Variants in ARHGAP28 observed in about 807,000 individuals in gnomAD.
ARHGAP28 encodes Rho GTPase activating protein 28, also known as rho GTPase-activating protein 28.
A neutral mutation model predicts 90.7 loss-of-function variants in ARHGAP28; 56 were observed. The observed-to-expected ratio is 0.62, with a 90% CI of 0.50 to 0.77. The LOEUF is 0.77. ARHGAP28 is among the 30% of genes least tolerant of loss of function. The probability of loss-of-function intolerance (pLI) is 0.00; values close to 1 mark genes in which losing one functional copy is unlikely to be tolerated. For synonymous variants in ARHGAP28, 308 were observed against 323.3 expected (o/e 0.95, Z 0.51); for missense variants, 869 against 900.9 (o/e 0.96, Z 0.45).
intron 1 of ARHGAP28, among the ~76,000 whole-genome samples, chr18:6,796,279 A>G (rs1372023646): frequency 1.3e-5 from 2 of 152,164 alleles, no homozygotes; most frequent in Non-Finnish European, 2.9e-5. Flanking sequence ...CTATACATGC[A>G]TACATTTTTT....
At chr18:6,783,945 G>T (rs1026935195) in intron 1 of ARHGAP28, among the ~76,000 whole-genome samples, 2 of 152,122 alleles carry the variant, frequency 1.3e-5, no homozygotes, top group African/African-American at 4.8e-5. Context: ...TGGGCTTCCC[G>T]TCTAGGGCTG....
chr18:6,813,365 A>G (rs995031728), intron 1 of ARHGAP28, among the ~76,000 whole-genome samples: 3 of 152,218 alleles, frequency 2.0e-5, no homozygotes, highest in Non-Finnish European at 2.9e-5. Context: ...TTCTCTCTCT[A>G]TATATAACTT....
At chr18:6,744,192 T>C (rs561923459) in intron 1 of ARHGAP28, among the ~76,000 whole-genome samples, 1 of 152,162 alleles carries the variant, frequency 6.6e-6, no homozygotes, top group South Asian at 2.1e-4. Context: ...GGGGGGATTT[T>C]AAGAGTTGGA....
intron 1 of ARHGAP28, among the ~76,000 whole-genome samples, chr18:6,784,955 T>C (rs2056354527): frequency 6.6e-6 from 1 of 152,182 alleles, no homozygotes; most frequent in Non-Finnish European, 1.5e-5. Context: ...CTGAGGCAGC[T>C]CCTGAGCAGC....
chr18:6,906,058 A>C (rs2057363137), intron 16 of ARHGAP28, among the ~76,000 whole-genome samples: 1 of 152,192 alleles, frequency 6.6e-6, no homozygotes, highest in African/African-American at 2.4e-5. Context: ...TATATATGGA[A>C]AAGCACAGGC....
intron 1 of ARHGAP28, among the ~76,000 whole-genome samples, chr18:6,748,514 G>T (rs1026214447): frequency 2.2e-4 from 34 of 152,202 alleles, no homozygotes; most frequent in African/African-American, 8.2e-4. Context: ...GCATTGCCAT[G>T]ATGGGCAACT....
intron 1 of ARHGAP28, among the ~76,000 whole-genome samples, chr18:6,819,679 A>C (rs1484536534): frequency 6.6e-6 from 1 of 152,204 alleles, no homozygotes; most frequent in African/African-American, 2.4e-5. Context: ...GAGCCCTGGC[A>C]ATACAGGATT....
At chr18:6,896,656 CAAG>C (rs2143785585) in intron 16 of ARHGAP28, 30 bp downstream of exon 16, 1 of 1,611,276 alleles carries the variant, frequency 6.2e-7, no homozygotes, top group East Asian at 2.2e-5. Context: ...GGTCTCTGCA[CAAG>C]AAGGAAAAAC....
intron 1 of ARHGAP28, among the ~76,000 whole-genome samples, chr18:6,793,825 T>C (rs113832641): frequency 1.3e-5 from 2 of 151,746 alleles, no homozygotes; most frequent in Non-Finnish European, 2.9e-5. Flanking sequence ...AAATAGAAAA[T>C]ATTCTACTCA....
chr18:6,877,763 T>G (rs1311441309), intron 10 of ARHGAP28, among the ~76,000 whole-genome samples: 2 of 152,164 alleles, frequency 1.3e-5, no homozygotes, highest in Admixed American at 1.3e-4. Context: ...TACATACTCT[T>G]CTAAAAAAAT....
intron 1 of ARHGAP28, among the ~76,000 whole-genome samples, chr18:6,748,233 C>T (rs1253470404): frequency 6.6e-6 from 1 of 152,176 alleles, no homozygotes; most frequent in Admixed American, 6.5e-5. Context: ...TTCGGTTCAA[C>T]GAACCAGTTA....
At chr18:6,863,240 GTATT>G (rs947445966) in intron 5 of ARHGAP28, among the ~76,000 whole-genome samples, 13 of 152,034 alleles carry the variant, frequency 8.6e-5, no homozygotes, top group African/African-American at 2.9e-4. Flanking sequence ...ATTAAGGAGA[GTATT>G]TATTCTAAGA....
intron 5 of ARHGAP28, among the ~76,000 whole-genome samples, chr18:6,861,803 G>C (rs1390165761): frequency 6.6e-6 from 1 of 152,128 alleles, no homozygotes; most frequent in Non-Finnish European, 1.5e-5. Flanking sequence ...GGTTCATTCA[G>C]TCATTCATTC....
intron 1 of ARHGAP28, among the ~76,000 whole-genome samples, chr18:6,778,754 C>A (rs1323197873): frequency 6.6e-6 from 1 of 152,142 alleles, no homozygotes; most frequent in Non-Finnish European, 1.5e-5. Context: ...TGATTTTGCT[C>A]TTTTATTCTC....
rs1447690592 is a variant in ARHGAP28 at position 6,837,207 on chromosome 18, T to G, written c.336T>G (p.Leu112=). The G allele has an allele frequency of 1.3e-6, 2 of 1,550,156 alleles. No homozygotes were observed. The highest frequency in any genetic ancestry group is 1.7e-6 in the Non-Finnish European group (2 of 1,150,618). The part of the protein sequence containing the change: ...AEVTPVDEGE[L]EAEWLQDVGL... ...AATGTTCTTTCACAGAAGGAGAACT[T>G]GAAGCAGAATGGCTGCAAGATGTGG... Residue 112 remains leucine, a synonymous_variant, in exon 3 of 18, where the codon CTT becomes CTG. Coordinates refer to ENST00000383472, the MANE Select transcript of ARHGAP28 (RefSeq NM_001366230.1).
intron 2 of ARHGAP28, among the ~76,000 whole-genome samples, chr18:6,834,303 A>T (rs1202371060): frequency 6.6e-6 from 1 of 152,178 alleles, no homozygotes; most frequent in Non-Finnish European, 1.5e-5. Context: ...ATTGATAGCA[A>T]TAGGACATGA....
At chr18:6,756,900 CCT>C (rs2056115078) in intron 1 of ARHGAP28, among the ~76,000 whole-genome samples, 2 of 152,280 alleles carry the variant, frequency 1.3e-5, no homozygotes, top group South Asian at 4.1e-4. Context: ...CCTTCTTCTG[CCT>C]GCTTTATGCT....
chr18:6,804,652 C>A (rs1373876823), intron 1 of ARHGAP28, among the ~76,000 whole-genome samples: 2 of 152,100 alleles, frequency 1.3e-5, no homozygotes, highest in African/African-American at 2.4e-5. Context: ...ATTTTTATTT[C>A]TCTTTTGATC....
At chr18:6,835,887 A>C (rs997465142) in intron 2 of ARHGAP28, among the ~76,000 whole-genome samples, 2 of 152,104 alleles carry the variant, frequency 1.3e-5, no homozygotes, top group Non-Finnish European at 2.9e-5. Flanking sequence ...ATAGGCACCT[A>C]ATCCTTTTGT....
Sources: allele counts gnomAD v4.1 joint callset (sites outside exome capture counted in the v4.1 genomes callset), GRCh38; gene constraint gnomAD v4.1.1; transcripts MANE v1.5; gene names NCBI Gene and HGNC (gene_info 2026-07-23, HGNC 2026-07-21).